KCND3: variants seen among roughly 807,000 people sequenced by gnomAD.
KCND3 encodes A-type voltage-gated potassium channel KCND3.
A neutral mutation model predicts 51.1 loss-of-function variants in KCND3; 9 were observed. The observed-to-expected ratio is 0.18, with a 90% CI of 0.11 to 0.31. The LOEUF (loss-of-function observed/expected upper bound fraction) is 0.31, where lower values mean the gene tolerates loss of function less well. KCND3 is among the 10% of genes least tolerant of loss of function. The pLI is 1.00. For missense variants in KCND3, 526 were observed against 903.8 expected, an observed-to-expected ratio of 0.58 and a Z score of 5.36; for synonymous variants, 349 against 368.0, an observed-to-expected ratio of 0.95 and a Z score of 0.59.
intron 1 of KCND3, among the ~76,000 whole-genome samples, chr1:111,986,302 G>A (rs934323865): frequency 6.6e-6 from 1 of 152,196 alleles, no homozygotes; most frequent in African/African-American, 2.4e-5. Flanking sequence ...AAAGGTTACA[G>A]GTAAGGAGAA....
At chr1:111,944,003 C>G (rs1672658921) in intron 2 of KCND3, among the ~76,000 whole-genome samples, 1 of 152,222 alleles carries the variant, frequency 6.6e-6, no homozygotes, top group Non-Finnish European at 1.5e-5. Context: ...TTATAAAGGA[C>G]TAAATCTGTC....
intron 2 of KCND3, among the ~76,000 whole-genome samples, chr1:111,901,764 A>C (rs1670394670): frequency 1.3e-5 from 2 of 152,108 alleles, no homozygotes; most frequent in Admixed American, 6.5e-5. Context: ...TCCTGCCTGG[A>C]GGCTGGAGAA....
intron 2 of KCND3, among the ~76,000 whole-genome samples, chr1:111,836,795 C>T (rs1232811254): frequency 1.3e-5 from 2 of 152,172 alleles, no homozygotes; most frequent in Non-Finnish European, 2.9e-5. Context: ...TCCCAAGATC[C>T]CACCTCTGAG....
chr1:111,811,391 T>C (rs1422205008), intron 2 of KCND3, among the ~76,000 whole-genome samples: 1 of 151,756 alleles, frequency 6.6e-6, no homozygotes, highest in African/African-American at 2.4e-5. Context: ...AAGATGAAAG[T>C]TGATGTATTT....
chr1:111,893,451 C>T (rs1035532559), intron 2 of KCND3, among the ~76,000 whole-genome samples: 1 of 152,036 alleles, frequency 6.6e-6, no homozygotes, highest in Non-Finnish European at 1.5e-5. Flanking sequence ...GTAGGAGACT[C>T]GGGACTATTG....
At chr1:111,856,530 T>C (rs1316060067) in intron 2 of KCND3, among the ~76,000 whole-genome samples, 1 of 152,176 alleles carries the variant, frequency 6.6e-6, no homozygotes, top group Non-Finnish European at 1.5e-5. Flanking sequence ...AACCCGGGCT[T>C]CCTGCCTGCT....
chr1:111,815,993 G>GT (rs1317745888), intron 2 of KCND3, among the ~76,000 whole-genome samples: 1 of 152,192 alleles, frequency 6.6e-6, no homozygotes, highest in East Asian at 1.9e-4. Flanking sequence ...GGGAGGCAGG[G>GT]TGGGGCCAAC....
In KCND3 at chr1:111,808,689, A is replaced by T. The variant is rs553576117; in HGVS notation, c.1107-21583T>A. On this transcript the variant is annotated intron_variant, in intron 2 of 7. Coordinates refer to ENST00000302127, the MANE Select transcript of KCND3 (RefSeq NM_001378969.1). ...CTCTGTTATTAGAGCTTCTCATCTCAGCTCATTCTGGAAATTCTGATGCAC... is the reference window on the plus strand; with the variant it reads ...CTCTGTTATTAGAGCTTCTCATCTCTGCTCATTCTGGAAATTCTGATGCAC... 3.3e-5 allele frequency among the ~76,000 whole-genome samples: 5 copies of T among 152,328 alleles called. No homozygotes were observed. The East Asian group carries it at 9.6e-4, about 29-fold the overall frequency.
intron 2 of KCND3, among the ~76,000 whole-genome samples, chr1:111,802,938 C>T (rs1414635349): frequency 6.6e-6 from 1 of 152,208 alleles, no homozygotes; most frequent in Non-Finnish European, 1.5e-5. Context: ...TGAAGTATTT[C>T]TTCTGCTTTG....
intron 3 of KCND3, among the ~76,000 whole-genome samples, chr1:111,783,757 A>C (rs541420886): frequency 1.3e-5 from 2 of 152,290 alleles, no homozygotes; most frequent in African/African-American, 4.8e-5. Context: ...CCAAAACTGA[A>C]ATCATCCCTG....
intron 2 of KCND3, among the ~76,000 whole-genome samples, chr1:111,823,668 T>C (rs1247253476): frequency 6.6e-6 from 1 of 152,224 alleles, no homozygotes; most frequent in African/African-American, 2.4e-5. Context: ...AAAGCATCTT[T>C]GTGACTACCA....
intron 3 of KCND3, among the ~76,000 whole-genome samples, chr1:111,783,963 G>A (rs1664498293): frequency 6.6e-6 from 1 of 152,144 alleles, no homozygotes; most frequent in African/African-American, 2.4e-5. Flanking sequence ...TATAAATGAT[G>A]GAAAAATAAA....
At chr1:111,869,930 C>T (rs544980906) in intron 2 of KCND3, among the ~76,000 whole-genome samples, 1 of 152,216 alleles carries the variant, frequency 6.6e-6, no homozygotes, top group South Asian at 2.1e-4. Context: ...CGTACAGACA[C>T]ACATGTCACA....
intron 2 of KCND3, among the ~76,000 whole-genome samples, chr1:111,927,512 G>A (rs1671762664): frequency 6.6e-6 from 1 of 152,266 alleles, no homozygotes; most frequent in African/African-American, 2.4e-5. Context: ...TGCATTACAG[G>A]TGAAAGGGCA....
At chr1:111,958,154 C>A (rs1673432918) in intron 2 of KCND3, among the ~76,000 whole-genome samples, 1 of 152,202 alleles carries the variant, frequency 6.6e-6, no homozygotes, top group African/African-American at 2.4e-5. Flanking sequence ...GGCATACATA[C>A]ACACCATGGG....
intron 2 of KCND3, among the ~76,000 whole-genome samples, chr1:111,877,262 C>T (rs558472380): frequency 3.9e-5 from 6 of 152,346 alleles, no homozygotes; most frequent in African/African-American, 1.2e-4. Context: ...TTGTCTGAAG[C>T]GTCAATGATC....
chr1:111,874,051 C>T (rs552095895), intron 2 of KCND3, among the ~76,000 whole-genome samples: 13 of 152,168 alleles, frequency 8.5e-5, no homozygotes, highest in Non-Finnish European at 1.8e-4. Context: ...GCTCCACATA[C>T]TCAGAAAGCT....
At chr1:111,988,004 G>T (rs2075811) in intron 1 of KCND3, among the ~76,000 whole-genome samples, 2 of 151,956 alleles carry the variant, frequency 1.3e-5, no homozygotes, top group East Asian at 1.9e-4. Flanking sequence ...AGGCCAAAAG[G>T]GGGTGGAGTG....
intron 2 of KCND3, among the ~76,000 whole-genome samples, chr1:111,912,818 A>T (rs1671027407): frequency 6.6e-6 from 1 of 152,250 alleles, no homozygotes; most frequent in Admixed American, 6.5e-5. Context: ...ATTTTTTATA[A>T]CGGTACAACG....
Sources: gnomAD v4.1 joint callset for allele counts (sites outside exome capture counted in the v4.1 genomes callset) on GRCh38, gnomAD v4.1.1 for gene constraint, MANE v1.5 for transcripts, NCBI Gene and HGNC (gene_info 2026-07-23, HGNC 2026-07-21) for gene names.